Variants in GLDC observed in about 807,000 individuals in gnomAD.
GLDC encodes the protein glycine decarboxylase.
Under a neutral mutation model 121.3 loss-of-function variants are expected in GLDC, and 104 were observed. The observed-to-expected ratio is 0.86, with a 90% CI of 0.73 to 1.01. The LOEUF (loss-of-function observed/expected upper bound fraction) is 1.01, where lower values mean the gene tolerates loss of function less well. Ranked by LOEUF, GLDC falls within the 50% of genes least tolerant of loss-of-function variation. GLDC has a pLI of 0.00. For missense variants in GLDC, 1,429 were observed against 1,306.6 expected (o/e 1.09, Z -1.44); for synonymous variants, 546 against 480.6 (o/e 1.14, Z -1.78).
intron 2 of GLDC, among the ~76,000 whole-genome samples, chr9:6,625,915 T>A (rs957183628): frequency 2.6e-5 from 4 of 151,370 alleles, no homozygotes; most frequent in Admixed American, 6.6e-5. Flanking sequence ...GGACTCAGAT[T>A]CAGGAAAGTC....
rs545593833 is a variant in GLDC at position 6,576,505 on chromosome 9, C to T, written c.1850+10636G>A. 1.6e-4 allele frequency among the ~76,000 whole-genome samples: 25 copies of T among 152,130 alleles called. No individual in the cohort carries two copies. In the East Asian group the frequency reaches 3.7e-3, roughly 22 times the overall value. On this transcript the variant is annotated intron_variant, in intron 15 of 24. Coordinates refer to ENST00000321612, the MANE Select transcript of GLDC (RefSeq NM_000170.3). Reference sequence around the variant, plus strand: ...TTTTGAGATGGGGTTTCACTCTTGTCGCCCAGGCTGGGGTGCAGTGGTGCG... The same window carrying T: ...TTTTGAGATGGGGTTTCACTCTTGTTGCCCAGGCTGGGGTGCAGTGGTGCG...
At chr9:6,608,536 C>T (rs1465566986) in intron 4 of GLDC, among the ~76,000 whole-genome samples, 2 of 148,702 alleles carry the variant, frequency 1.3e-5, no homozygotes, top group African/African-American at 2.5e-5. Flanking sequence ...GTCAGGAGAT[C>T]GAGACCCTCC....
At chr9:6,632,811 C>T (rs945706406) in intron 2 of GLDC, among the ~76,000 whole-genome samples, 7 of 152,316 alleles carry the variant, frequency 4.6e-5, no homozygotes, top group South Asian at 2.1e-4. Context: ...GTCCTCCCCT[C>T]GGCTGAACTC....
chr9:6,604,470 T>G, intron 7 of GLDC, 118 bp downstream of exon 7: 1 of 919,680 alleles, frequency 1.1e-6, no homozygotes, highest in Non-Finnish European at 1.8e-6. Context: ...ATGTTGTACA[T>G]TTCCTTAACT....
chr9:6,621,019 A>C (rs1339805453), intron 2 of GLDC, among the ~76,000 whole-genome samples: 1 of 151,928 alleles, frequency 6.6e-6, no homozygotes, highest in Non-Finnish European at 1.5e-5. Context: ...AAAGGCAAAA[A>C]ATTAGCCAGG....
At chr9:6,587,072 C>CTTTA in intron 15 of GLDC, 69 bp downstream of exon 15, 1 of 1,311,104 alleles carries the variant, frequency 7.6e-7, no homozygotes, top group Admixed American at 1.7e-5. Flanking sequence ...TGTTCTAAGC[C>CTTTA]TTTAAGTTTT....
chr9:6,581,477 A>C (rs1175304113), intron 15 of GLDC, among the ~76,000 whole-genome samples: 3 of 152,234 alleles, frequency 2.0e-5, no homozygotes, highest in Non-Finnish European at 4.4e-5. Context: ...CAAATAAGAC[A>C]CAAGCATACC....
At chr9:6,637,359 C>T (rs561362931) in intron 2 of GLDC, among the ~76,000 whole-genome samples, 2 of 150,914 alleles carry the variant, frequency 1.3e-5, no homozygotes, top group South Asian at 2.1e-4. Context: ...GAGCTGAGAT[C>T]GAGCCATTGC....
chr9:6,588,988 T>A (rs1818323276), intron 12 of GLDC, among the ~76,000 whole-genome samples: 1 of 152,194 alleles, frequency 6.6e-6, no homozygotes. Flanking sequence ...CCCTGCTTCC[T>A]GACTGCCAAG....
chr9:6,538,534 G>C (rs1002309860), intron 22 of GLDC, among the ~76,000 whole-genome samples: 3 of 152,140 alleles, frequency 2.0e-5, no homozygotes, highest in Non-Finnish European at 2.9e-5. Flanking sequence ...CTATTCATTT[G>C]GTCTCTCATT....
intron 3 of GLDC, among the ~76,000 whole-genome samples, chr9:6,619,923 G>A (rs975114174): frequency 3.9e-5 from 6 of 152,200 alleles, no homozygotes; most frequent in African/African-American, 1.4e-4. Context: ...AGCTGCAGAA[G>A]AGGAAGAGAT....
At chr9:6,609,090 G>A (rs913803904) in intron 4 of GLDC, among the ~76,000 whole-genome samples, 6 of 152,120 alleles carry the variant, frequency 3.9e-5, no homozygotes, top group African/African-American at 9.7e-5. Flanking sequence ...CCTAAGACAC[G>A]GCCAGCATGT....
At position 6,592,965 on chromosome 9, in the gene GLDC, G is replaced by C. The variant is rs2129853644; in HGVS notation, c.1287C>G (p.Leu429=). 3.7e-6 allele frequency: 6 copies of C among 1,610,012 alleles called. No homozygotes were observed. The highest frequency in any genetic ancestry group is 5.1e-6 in the Non-Finnish European group (6 of 1,178,360). The change falls in exon 10 of 25, where the codon CTC becomes CTG. Residue 429 remains leucine (L), a synonymous_variant. Transcript: ENST00000321612. ...AGGTATCAAAGAACAGGTCATGCTGGAGTTGATGCCCTGCTCGCTTGAGAC... is the reference window on the plus strand; with the variant it reads ...AGGTATCAAAGAACAGGTCATGCTGCAGTTGATGCCCTGCTCGCTTGAGAC... ...SEGLKRAGHQ[L]QHDLFFDTLK...
At chr9:6,622,452 C>G (rs1329412622) in intron 2 of GLDC, among the ~76,000 whole-genome samples, 4 of 151,194 alleles carry the variant, frequency 2.6e-5, no homozygotes, top group East Asian at 3.9e-4. Context: ...CTGTGTTGGC[C>G]GGGCTGGTCT....
chr9:6,628,736 G>C (rs1215422434), intron 2 of GLDC, among the ~76,000 whole-genome samples: 3 of 152,186 alleles, frequency 2.0e-5, no homozygotes, highest in Non-Finnish European at 4.4e-5. Flanking sequence ...GTGAGACCCT[G>C]CCTAAAGAAA....
At chr9:6,571,615 A>G (rs2129779445) in intron 15 of GLDC, among the ~76,000 whole-genome samples, 1 of 152,280 alleles carries the variant, frequency 6.6e-6, no homozygotes, top group African/African-American at 2.4e-5. Context: ...TAGCATATAC[A>G]CAGTGGATAT....
intron 8 of GLDC, among the ~76,000 whole-genome samples, chr9:6,600,991 G>C (rs1818597725): frequency 6.6e-6 from 1 of 152,118 alleles, no homozygotes; most frequent in African/African-American, 2.4e-5. Context: ...TGGCCAAGAT[G>C]GTGAAACCCC....
At chr9:6,611,519 G>A (rs1818856309) in intron 3 of GLDC, among the ~76,000 whole-genome samples, 1 of 148,704 alleles carries the variant, frequency 6.7e-6, no homozygotes, top group Non-Finnish European at 1.5e-5. Flanking sequence ...TCACGCCACT[G>A]TACTCCAGCC....
At chr9:6,608,638 T>C (rs1009678687) in intron 4 of GLDC, among the ~76,000 whole-genome samples, 5 of 150,760 alleles carry the variant, frequency 3.3e-5, no homozygotes, top group African/African-American at 1.2e-4. Context: ...CCCAGCTACT[T>C]GGAAGGCTGA....
Sources: gnomAD v4.1 joint callset for allele counts (sites outside exome capture counted in the v4.1 genomes callset) on GRCh38, gnomAD v4.1.1 for gene constraint, MANE v1.5 for transcripts, NCBI Gene and HGNC (gene_info 2026-07-23, HGNC 2026-07-21) for gene names.